Variants in ZFHX3 observed in about 807,000 individuals in gnomAD.
ZFHX3 encodes the protein zinc finger homeobox 3, also known as zinc finger homeobox protein 3.
A neutral mutation model predicts 279.1 loss-of-function variants in ZFHX3; 42 were observed. That is an observed-to-expected ratio of 0.15 (90% CI 0.12 to 0.19). ZFHX3 has a LOEUF of 0.19. Among genes scored for constraint, ZFHX3 ranks in the 10% least tolerant of loss-of-function variants. The probability of loss-of-function intolerance (pLI) is 1.00; values close to 1 mark genes in which losing one functional copy is unlikely to be tolerated. For missense variants in ZFHX3, 4,981 were observed against 4,754.0 expected (o/e 1.05, Z -1.40); for synonymous variants, 2,293 against 1,957.8 (o/e 1.17, Z -4.52).
At chr16:73,506,113 T>C (rs766157137) in intron 2 of ZFHX3, among the ~76,000 whole-genome samples, 2 of 152,036 alleles carry the variant, frequency 1.3e-5, no homozygotes, top group South Asian at 2.1e-4. Context: ...AAACCTAGAG[T>C]GGATCAAGGA....
chr16:73,174,172 A>G (rs1431381639), intron 5 of ZFHX3, among the ~76,000 whole-genome samples: 1 of 151,848 alleles, frequency 6.6e-6, no homozygotes, highest in Admixed American at 6.6e-5. Flanking sequence ...TCTTCTCTGC[A>G]TGGAGACCTT....
chr16:73,174,863 C>CAAAAAAAAA (rs34447211), intron 5 of ZFHX3, among the ~76,000 whole-genome samples: 51 of 86,508 alleles, frequency 5.9e-4, no homozygotes, highest in East Asian at 9.7e-4. Context: ...ACTAAAAATA[C>CAAAAAAAAA]AAAAAAAAAA....
chr16:73,434,809 A>C (rs560794423), intron 3 of ZFHX3, among the ~76,000 whole-genome samples: 1 of 152,222 alleles, frequency 6.6e-6, no homozygotes, highest in Non-Finnish European at 1.5e-5. Flanking sequence ...AGTGGGTCTG[A>C]CTGAGGTACC....
intron 1 of ZFHX3, among the ~76,000 whole-genome samples, chr16:73,042,776 G>T (rs1258077345): frequency 2.0e-5 from 3 of 152,068 alleles, no homozygotes. Context: ...TCAGAGTCCA[G>T]TGGAGCCAGT....
intron 2 of ZFHX3, among the ~76,000 whole-genome samples, chr16:73,678,505 T>A (rs1437123856): frequency 6.6e-6 from 1 of 152,202 alleles, no homozygotes. Context: ...AAAATGTTGA[T>A]ATTGTTTTCA....
At chr16:73,107,605 C>G (rs989777797) in intron 7 of ZFHX3, among the ~76,000 whole-genome samples, 1 of 152,234 alleles carries the variant, frequency 6.6e-6, no homozygotes, top group African/African-American at 2.4e-5. Context: ...CAAACCTGTT[C>G]TGTAGCGTAG....
At chr16:73,710,273 T>C (rs372585588) in intron 1 of ZFHX3, among the ~76,000 whole-genome samples, 2 of 152,338 alleles carry the variant, frequency 1.3e-5, no homozygotes. Flanking sequence ...TTAGCTGTTA[T>C]ACTTATTAAA....
At chr16:73,550,591 T>C (rs899503914) in intron 2 of ZFHX3, among the ~76,000 whole-genome samples, 100 of 152,212 alleles carry the variant, frequency 6.6e-4, no homozygotes, top group African/African-American at 2.3e-3. Context: ...TTTTCAACAA[T>C]GAGGTCAGAT....
At chr16:72,932,126 T>C in intron 3 of ZFHX3, among the ~76,000 whole-genome samples, 1 of 152,220 alleles carries the variant, frequency 6.6e-6, no homozygotes, top group Admixed American at 6.5e-5. Context: ...CTGTGTACTC[T>C]ATGCCAGTTT....
intron 5 of ZFHX3, among the ~76,000 whole-genome samples, chr16:73,175,925 T>A (rs889287161): frequency 1.3e-5 from 2 of 152,190 alleles, no homozygotes; most frequent in African/African-American, 4.8e-5. Context: ...TGTCTAATAA[T>A]CTTATCCAGC....
chr16:73,699,171 T>C (rs1477719336), intron 1 of ZFHX3, among the ~76,000 whole-genome samples: 1 of 152,214 alleles, frequency 6.6e-6, no homozygotes, highest in Non-Finnish European at 1.5e-5. Context: ...GTTCAGTTAA[T>C]TGTATTGTAT....
At chr16:73,848,052 C>A (rs986491306) in intron 1 of ZFHX3, among the ~76,000 whole-genome samples, 4 of 151,816 alleles carry the variant, frequency 2.6e-5, no homozygotes, top group Non-Finnish European at 5.9e-5. Context: ...AGCCACCGCG[C>A]CCGGCCAATA....
At chr16:72,885,285 C>T (rs1224940250) in intron 4 of ZFHX3, among the ~76,000 whole-genome samples, 3 of 152,270 alleles carry the variant, frequency 2.0e-5, no homozygotes, top group Admixed American at 6.5e-5. Context: ...GGCCAAGGCT[C>T]TGTCCACTGG....
chr16:73,593,352 A>G (rs930285253), intron 2 of ZFHX3, among the ~76,000 whole-genome samples: 3 of 152,208 alleles, frequency 2.0e-5, no homozygotes, highest in African/African-American at 7.2e-5. Flanking sequence ...CAATCAAAAA[A>G]TAGGTATAAA....
chr16:73,251,625 A>G (rs1369228966), intron 5 of ZFHX3, among the ~76,000 whole-genome samples: 2 of 152,076 alleles, frequency 1.3e-5, no homozygotes, highest in African/African-American at 4.8e-5. Flanking sequence ...GGATATTCCA[A>G]ATGAAAAACA....
intron 1 of ZFHX3, among the ~76,000 whole-genome samples, chr16:73,859,097 C>G (rs906999441): frequency 6.6e-6 from 1 of 152,142 alleles, no homozygotes; most frequent in Non-Finnish European, 1.5e-5. Flanking sequence ...GAAACATTTC[C>G]AAATTTCAGT....
At chr16:72,938,846 C>G (rs1298267568) in intron 3 of ZFHX3, among the ~76,000 whole-genome samples, 2 of 152,068 alleles carry the variant, frequency 1.3e-5, no homozygotes, top group Admixed American at 1.3e-4. Flanking sequence ...CTAATGTGAA[C>G]CCAGTCTGGG....
intron 2 of ZFHX3, among the ~76,000 whole-genome samples, chr16:73,606,180 T>TAAAAAA (rs35080897): frequency 2.8e-5 from 1 of 35,196 alleles, no homozygotes; most frequent in African/African-American, 1.5e-4. Context: ...AGGCTCCATC[T>TAAAAAA]AAAAAAAAAA....
intron 8 of ZFHX3, chr16:73,093,231 C>T (rs749883416): frequency 5.2e-5 from 27 of 516,876 alleles, no homozygotes; most frequent in African/African-American, 1.9e-5. Flanking sequence ...TGATCCGGTC[C>T]TACCTGGCGT....
Sources: allele counts gnomAD v4.1 joint callset (sites outside exome capture counted in the v4.1 genomes callset), GRCh38; gene constraint gnomAD v4.1.1; transcripts MANE v1.5; gene names NCBI Gene and HGNC (gene_info 2026-07-23, HGNC 2026-07-21).